Variants in RAB3B observed in about 807,000 individuals in gnomAD.
RAB3B encodes the protein ras-related protein Rab-3B.
RAB3B carries 11 observed loss-of-function variants against 20.5 expected under a neutral mutation model. The observed-to-expected ratio is 0.54, with a 90% CI of 0.34 to 0.89. The LOEUF (loss-of-function observed/expected upper bound fraction) is 0.89. Among genes scored for constraint, RAB3B ranks in the 40% least tolerant of loss-of-function variants. The pLI is 0.02. For synonymous variants in RAB3B, 99 were observed against 106.3 expected, an observed-to-expected ratio of 0.93 and a Z score of 0.42; for missense variants, 225 against 280.9, an observed-to-expected ratio of 0.80 and a Z score of 1.42.
chr1:51,984,013 C>T (rs530938725), intron 1 of RAB3B, among the ~76,000 whole-genome samples: 1 of 151,510 alleles, frequency 6.6e-6, no homozygotes, highest in South Asian at 2.1e-4. Context: ...GCCTGTAATC[C>T]CAGCACTTTG....
Position 51,973,459 on chromosome 1 carries a change from A to G in RAB3B, c.228+3431T>C, listed in dbSNP as rs544843895. The G allele has an allele frequency of 3.3e-5, 5 of 152,258 alleles. No individual in the cohort carries two copies. The East Asian group carries it at 9.6e-4, about 29-fold the overall frequency. The allele number at this position is 152,258 out of a possible 1,614,324, so 9.4% of individuals were successfully genotyped here. ...GCGCCCGATCTCATCTGATCTCGGA[A>G]GCTAAGAGGGGTTGGGCCTGGTTAG... On this transcript the variant is annotated intron_variant, in intron 2 of 4. Transcript: ENST00000371655.
rs1684116950 is a variant in RAB3B at position 51,918,311 on chromosome 1, A to G, written c.*1616T>C. On this transcript the variant is annotated 3_prime_UTR_variant, in exon 5 of 5. Transcript: ENST00000371655. ...GCTTTGAATCATACTTCTCAGTTAGACTGCTCAAGAGCAGTTAAAAGATGG... is the reference window on the plus strand; with the variant it reads ...GCTTTGAATCATACTTCTCAGTTAGGCTGCTCAAGAGCAGTTAAAAGATGG... 6.6e-6 allele frequency: 1 copy of G among 152,180 alleles called. No homozygotes were observed. The highest frequency in any genetic ancestry group is 2.4e-5 in the African/African-American group (1 of 41,438). The allele number at this position is 152,180 out of a possible 1,614,324, so 9.4% of individuals were successfully genotyped here. A position where few individuals can be genotyped will look rare whatever the true frequency, so the allele number is the denominator to read the frequency against.
chr1:51,955,160 G>A (rs562606123), intron 2 of RAB3B, among the ~76,000 whole-genome samples: 1 of 152,160 alleles, frequency 6.6e-6, no homozygotes, highest in Non-Finnish European at 1.5e-5. Flanking sequence ...ATGAGTTCCA[G>A]TTCTCTCCCG....
intron 2 of RAB3B, among the ~76,000 whole-genome samples, chr1:51,956,937 C>A (rs943058750): frequency 6.6e-6 from 1 of 152,238 alleles, no homozygotes; most frequent in East Asian, 1.9e-4. Flanking sequence ...GAAAGTCAAA[C>A]TTCACAGCCT....
At chr1:51,978,163 G>A (rs1473167870) in intron 1 of RAB3B, among the ~76,000 whole-genome samples, 4 of 152,206 alleles carry the variant, frequency 2.6e-5, no homozygotes, top group Non-Finnish European at 2.9e-5. Context: ...CTGTTGGAAT[G>A]AGCATCTGGG....
intron 2 of RAB3B, among the ~76,000 whole-genome samples, chr1:51,969,748 TG>T (rs1684903369): frequency 6.6e-6 from 1 of 152,126 alleles, no homozygotes; most frequent in African/African-American, 2.4e-5. Flanking sequence ...ATTTGTTGAG[TG>T]TTTACTCTGT....
At position 51,913,830 on chromosome 1, in the gene RAB3B, C is replaced by T. The variant is rs1684042914; in HGVS notation, c.*6097G>A. On this transcript the variant is annotated 3_prime_UTR_variant, in exon 5 of 5. Transcript: ENST00000371655. ...ATGGAACTTGTGTTCATCAGTGAGA[C>T]ATTGGCAAATGTGATGGAAACAGAG... 1 of 152,188 alleles carries T rather than the reference C, an allele frequency of 6.6e-6. No homozygotes were observed. The highest frequency in any genetic ancestry group is 1.5e-5 in the Non-Finnish European group (1 of 68,058). The allele number at this position is 152,188 out of a possible 1,614,324, so 9.4% of individuals were successfully genotyped here. A position where few individuals can be genotyped will look rare whatever the true frequency, so the allele number is the denominator to read the frequency against.
At chr1:51,939,107 G>A (rs1274049144) in intron 2 of RAB3B, among the ~76,000 whole-genome samples, 1 of 152,172 alleles carries the variant, frequency 6.6e-6, no homozygotes, top group Non-Finnish European at 1.5e-5. Context: ...ACGTAAGCAA[G>A]CAACAAAGAC....
intron 3 of RAB3B, among the ~76,000 whole-genome samples, chr1:51,934,455 T>G (rs988074562): frequency 1.3e-5 from 2 of 152,160 alleles, no homozygotes; most frequent in African/African-American, 4.8e-5. Context: ...TACCTTCATA[T>G]AAGATGATTA....
intron 1 of RAB3B, among the ~76,000 whole-genome samples, chr1:51,986,698 C>T (rs558150344): frequency 3.5e-4 from 53 of 152,328 alleles, no homozygotes; most frequent in Admixed American, 3.1e-3. Flanking sequence ...ACACTGTTAA[C>T]ATCTGCTTAT....
At chr1:51,972,054 G>A (rs1475666673) in intron 2 of RAB3B, among the ~76,000 whole-genome samples, 7 of 152,090 alleles carry the variant, frequency 4.6e-5, no homozygotes, top group African/African-American at 9.7e-5. Context: ...GGTGGTGTAC[G>A]CCTGTAATCT....
At chr1:51,968,663 C>T (rs746812050) in intron 2 of RAB3B, among the ~76,000 whole-genome samples, 1 of 152,152 alleles carries the variant, frequency 6.6e-6, no homozygotes, top group Non-Finnish European at 1.5e-5. Context: ...TATTACTGGC[C>T]CTAAGATACA....
chr1:51,989,822 T>C (rs1237000294), intron 1 of RAB3B, among the ~76,000 whole-genome samples: 3 of 126,304 alleles, frequency 2.4e-5, no homozygotes, highest in African/African-American at 5.9e-5. Flanking sequence ...TCGTCTTCCA[T>C]CTACAGTTAC....
chr1:51,974,432 A>T (rs1049718720), intron 2 of RAB3B, among the ~76,000 whole-genome samples: 4 of 152,184 alleles, frequency 2.6e-5, no homozygotes, highest in Non-Finnish European at 5.9e-5. Flanking sequence ...GAAAATTTGC[A>T]TTTCTAACAA....
chr1:51,924,706 T>C (rs1211899879), intron 4 of RAB3B, among the ~76,000 whole-genome samples: 4 of 152,164 alleles, frequency 2.6e-5, no homozygotes, highest in Non-Finnish European at 5.9e-5. Flanking sequence ...AGTTACCAAC[T>C]CATGGGTCTA....
intron 4 of RAB3B, among the ~76,000 whole-genome samples, chr1:51,921,825 C>T (rs1684175934): frequency 6.6e-6 from 1 of 152,196 alleles, no homozygotes; most frequent in African/African-American, 2.4e-5. Context: ...TTTCTAACAT[C>T]CTCTTTTATC....
chr1:51,975,757 G>T (rs1433010709), intron 2 of RAB3B, among the ~76,000 whole-genome samples: 1 of 152,140 alleles, frequency 6.6e-6, no homozygotes, highest in Non-Finnish European at 1.5e-5. Context: ...ACTTTGGGAG[G>T]CCGAGGTGGG....
intron 2 of RAB3B, among the ~76,000 whole-genome samples, chr1:51,941,226 T>C (rs569102300): frequency 1.3e-5 from 2 of 152,154 alleles, no homozygotes; most frequent in East Asian, 3.9e-4. Context: ...CTGAAGAACT[T>C]CAGGAACGGT....
chr1:51,977,728 G>A (rs1217397959), intron 1 of RAB3B, among the ~76,000 whole-genome samples: 1 of 152,170 alleles, frequency 6.6e-6, no homozygotes, highest in African/African-American at 2.4e-5. Flanking sequence ...CTTGAGCCCA[G>A]GAGTTCGACG....
Sources: allele counts gnomAD v4.1 joint callset (sites outside exome capture counted in the v4.1 genomes callset), GRCh38; gene constraint gnomAD v4.1.1; transcripts MANE v1.5; gene names NCBI Gene and HGNC (gene_info 2026-07-23, HGNC 2026-07-21).